Variants in ZNF75D observed in about 807,000 individuals in gnomAD.
The protein encoded by ZNF75D is zinc finger protein 75D, also known as zinc finger protein 75.
A neutral mutation model predicts 33.3 loss-of-function variants in ZNF75D; 33 were observed. The ratio of observed to expected loss-of-function variants is 0.99; its 90% CI spans 0.75 to 1.32. The LOEUF (loss-of-function observed/expected upper bound fraction) is 1.32. Ranked by LOEUF, ZNF75D falls within the 40% of genes most tolerant of loss-of-function variation. The pLI is 0.00. For missense variants in ZNF75D, 338 were observed against 367.5 expected (o/e 0.92, Z 0.66); for synonymous variants, 113 against 130.6 (o/e 0.87, Z 0.92).
Position 135,294,106 on chromosome X carries a change from G to C in ZNF75D, c.35C>G (p.Ser12Ter), listed in dbSNP as rs782130230. The change falls in exon 3 of 7, where the codon TCA (serine) becomes TGA (stop). Residue 12 changes from serine (S) to a stop codon, truncating the protein, a stop_gained. Coordinates refer to ENST00000370766, the MANE Select transcript of ZNF75D (RefSeq NM_007131.5). LOFTEE classifies it high-confidence loss of function. ...CCACATAGCCCCCATCTGGGGGCTT[G>C]AGCATGAATCCGCGTTCAGCTCTCT... ...AMRELNADSC[S>*]SPQMGAMWET... 2.5e-6 allele frequency: 3 copies of C among 1,199,789 alleles called. No individual in the cohort carries two copies. Among genetic ancestry groups the C allele is most frequent in the Non-Finnish European group, 3.4e-6 (3 of 890,371 alleles).
chrX:135,314,092 C>T (rs916659606), intron 1 of ZNF75D, among the ~76,000 whole-genome samples: 1 of 111,749 alleles, frequency 8.9e-6, no homozygotes, highest in Non-Finnish European at 1.9e-5. Flanking sequence ...AGGCTTCCAA[C>T]TTTTCCCCAT....
chrX:135,325,586 C>G (rs956966270), intron 1 of ZNF75D, among the ~76,000 whole-genome samples: 2 of 112,608 alleles, frequency 1.8e-5, no homozygotes, highest in Admixed American at 1.8e-4. Flanking sequence ...CAATGAGGGA[C>G]GTAGCACCCG....
chrX:135,291,195 C>T, intron 5 of ZNF75D, 60 bp from the exon 6 acceptor site: 1 of 1,171,883 alleles, frequency 8.5e-7, no homozygotes, highest in South Asian at 1.9e-5. Flanking sequence ...TCCTACCACC[C>T]ATTTCTGAAT....
chrX:135,330,434 A>G (rs1324563676), intron 1 of ZNF75D: 1 of 111,676 alleles, frequency 9.0e-6, no homozygotes, highest in East Asian at 2.8e-4. Context: ...CGGACAAAGG[A>G]CTCTCTGAAG....
intron 1 of ZNF75D, among the ~76,000 whole-genome samples, chrX:135,335,201 G>A (rs911843913): frequency 9.0e-6 from 1 of 111,634 alleles, no homozygotes; most frequent in Non-Finnish European, 1.9e-5. Flanking sequence ...TGAAGTTTGA[G>A]AGGAGGTAGA....
rs192176353 is a variant in ZNF75D at position 135,327,916 on chromosome X, A to C, written c.-391+13852T>G. ...TTATCACTTTTATAATACACAATTC[A>C]TGTAAATGGGGTGTTTAATTGCAGA... On this transcript the variant is annotated intron_variant, in intron 1 of 6. Transcript: ENST00000370766. The C allele has an allele frequency of 1.7e-3, 187 of 112,102 alleles. 1 individual carries two copies. Among genetic ancestry groups the C allele is most frequent in the African/African-American group, 5.6e-3 (172 of 30,836 alleles). 9.2% of individuals were successfully genotyped at this position (112,102 alleles called of 1,213,427 possible).
At chrX:135,256,112 C>T (rs1279895075) in intron 1 of ZNF75D, among the ~76,000 whole-genome samples, 1 of 25,811 alleles carries the variant, frequency 3.9e-5, no homozygotes, top group African/African-American at 1.6e-4. Flanking sequence ...TCCCATCTCC[C>T]TTCACTGGAA....
intron 1 of ZNF75D, among the ~76,000 whole-genome samples, chrX:135,274,563 C>G (rs782056240): frequency 9.0e-6 from 1 of 111,589 alleles, no homozygotes; most frequent in East Asian, 2.8e-4. Flanking sequence ...GAGGCTCTTA[C>G]TTAGGTTTAC....
intron 1 of ZNF75D, among the ~76,000 whole-genome samples, chrX:135,304,682 GTTCCTACA>G (rs1556425427): frequency 8.9e-6 from 1 of 112,505 alleles, no homozygotes; most frequent in Non-Finnish European, 1.9e-5. Context: ...CTGGGACAGA[GTTCCTACA>G]ACCAGTTTCC....
Position 135,287,784 on chromosome X carries a change from G to A in ZNF75D, c.886C>T (p.Gln296Ter), listed in dbSNP as rs782195357. ...HPISVSTSEIQTSGCEVSKKT... is the reference protein window; with the variant it reads ...HPISVSTSEI ...TTTGATACTTCGCATCCTGATGTTTGTATTTCTGATGTAGAAACAGATATA... is the reference window on the plus strand; with the variant it reads ...TTTGATACTTCGCATCCTGATGTTTATATTTCTGATGTAGAAACAGATATA... The change falls in exon 7 of 7, where the codon CAA (glutamine) becomes TAA (stop). Residue 296 changes from glutamine (Q) to a stop codon, truncating the protein, a stop_gained. Transcript: ENST00000370766. LOFTEE classifies it high-confidence loss of function. 8.3e-7 allele frequency: 1 copy of A among 1,209,999 alleles called. No homozygotes were observed. The highest frequency in any genetic ancestry group is 1.8e-5 in the South Asian group (1 of 56,502).
At chrX:135,257,822 T>C (rs782154039) in intron 1 of ZNF75D, among the ~76,000 whole-genome samples, 4 of 111,906 alleles carry the variant, frequency 3.6e-5, no homozygotes, top group Middle Eastern at 4.7e-3. Flanking sequence ...TTATTATTAT[T>C]ATCATCATTA....
In ZNF75D at chrX:135,294,043, C is replaced by T. The variant is rs1556422096; in HGVS notation, c.98G>A (p.Ser33Asn). The stretch of plus-strand genomic sequence containing the variant: ...CTCTATTTTTGTGCTGTATTTCTTA[C>T]TCTGACTGGAGTTCTCTTTCACAGA... ...SGSVKENSSQ[S>N]KKYSTKIENL... The change falls in exon 3 of 7, where the codon AGT (serine) becomes AAT (asparagine). Residue 33 changes from serine to asparagine, a missense_variant. By Grantham distance (46) the Ser-to-Asn change is conservative. Coordinates refer to ENST00000370766, the MANE Select transcript of ZNF75D (RefSeq NM_007131.5). 1 of 1,210,031 alleles carries T rather than the reference C, an allele frequency of 8.3e-7. No homozygotes were observed. Among genetic ancestry groups the T allele is most frequent in the Non-Finnish European group, 1.1e-6 (1 of 894,878 alleles).
chrX:135,294,194 C>T lies in ZNF75D; in HGVS notation c.-54G>A. On this transcript the variant is annotated 5_prime_UTR_variant, in exon 3 of 7. Coordinates refer to ENST00000370766, the MANE Select transcript of ZNF75D (RefSeq NM_007131.5). ...TGTGACACTGACACCCACCTGGTAC[C>T]ACCTTTGACAAATCAGGGTGCATCA... The T allele has an allele frequency of 9.6e-7, 1 of 1,036,687 alleles. No homozygotes were observed. The highest frequency in any genetic ancestry group is 1.3e-6 in the Non-Finnish European group (1 of 765,914). The allele number at this position is 1,036,687 out of a possible 1,213,427, so 85.4% of individuals were successfully genotyped here. A position where few individuals can be genotyped will look rare whatever the true frequency, so the allele number is the denominator to read the frequency against.
downstream of ZNF75D, among the ~76,000 whole-genome samples, chrX:135,282,224 C>T (rs1428241875): frequency 1.8e-5 from 2 of 111,875 alleles, no homozygotes; most frequent in Admixed American, 9.4e-5. Context: ...GTTTGGCTAG[C>T]GTAGCTTTGT....
intron 3 of ZNF75D, 21 bp downstream of exon 3, chrX:135,293,709 G>A (rs1472062646): frequency 4.4e-6 from 5 of 1,148,515 alleles, no homozygotes; most frequent in African/African-American, 3.6e-5. Context: ...CATTGTACAT[G>A]TAGGCAATCT....
intron 1 of ZNF75D, among the ~76,000 whole-genome samples, chrX:135,302,771 G>A (rs563504590): frequency 2.2e-4 from 25 of 111,441 alleles, no homozygotes; most frequent in African/African-American, 7.5e-4. Flanking sequence ...ACACCTGTGG[G>A]TGTTTCTTGT....
At chrX:135,267,907 A>G (rs1234652162) in intron 1 of ZNF75D, among the ~76,000 whole-genome samples, 2 of 110,027 alleles carry the variant, frequency 1.8e-5, no homozygotes, top group East Asian at 5.7e-4. Context: ...CATTAAAAAG[A>G]TCACTCATCA....
At chrX:135,322,902 G>T (rs190609011) in intron 1 of ZNF75D, among the ~76,000 whole-genome samples, 2 of 111,976 alleles carry the variant, frequency 1.8e-5, no homozygotes, top group Non-Finnish European at 3.8e-5. Flanking sequence ...AGTATAGGGG[G>T]TACTTTGTTT....
intron 1 of ZNF75D, among the ~76,000 whole-genome samples, chrX:135,324,451 T>C (rs1285578971): frequency 8.9e-6 from 1 of 112,963 alleles, no homozygotes; most frequent in African/African-American, 3.2e-5. Flanking sequence ...GCAACAATTA[T>C]GTGCAGTATA....
Sources: allele counts gnomAD v4.1 joint callset (sites outside exome capture counted in the v4.1 genomes callset), GRCh38; gene constraint gnomAD v4.1.1; transcripts MANE v1.5; gene names NCBI Gene and HGNC (gene_info 2026-07-23, HGNC 2026-07-21).